ZNF208: variants seen among roughly 807,000 people sequenced by gnomAD.
The protein encoded by ZNF208 is zinc finger protein 208, also known as zinc finger protein 95.
Under a neutral mutation model 12.1 loss-of-function variants are expected in ZNF208, and 10 were observed. The observed-to-expected ratio is 0.83, with a 90% CI of 0.51 to 1.40. The LOEUF (loss-of-function observed/expected upper bound fraction) is 1.40, where lower values mean the gene tolerates loss of function less well. Among genes scored for constraint, ZNF208 ranks in the 40% most tolerant of loss-of-function variants. The pLI is 0.00. For synonymous variants in ZNF208, 497 were observed against 488.4 expected (o/e 1.02, Z -0.23); for missense variants, 1,652 against 1,485.0 (o/e 1.11, Z -1.85).
At chr19:22,006,651 C>G (rs1047336288) in intron 1 of ZNF208, among the ~76,000 whole-genome samples, 3 of 152,164 alleles carry the variant, frequency 2.0e-5, no homozygotes, top group African/African-American at 2.4e-5. Context: ...CCAGAAGGAA[C>G]TAACTGGGCC....
At chr19:21,954,205 G>T (rs969744779) in intron 4 of ZNF208, among the ~76,000 whole-genome samples, 1 of 152,220 alleles carries the variant, frequency 6.6e-6, no homozygotes, top group Non-Finnish European at 1.5e-5. Flanking sequence ...GAGATAGTTT[G>T]TTGTGATTTC....
At chr19:22,002,884 T>C (rs1970977456) in intron 1 of ZNF208, among the ~76,000 whole-genome samples, 1 of 152,204 alleles carries the variant, frequency 6.6e-6, no homozygotes, top group Non-Finnish European at 1.5e-5. Flanking sequence ...AGAGCCTGAA[T>C]AGCCAAGGCA....
intron 4 of ZNF208, chr19:21,940,419 T>G (rs1328112056): frequency 6.6e-6 from 1 of 152,176 alleles, no homozygotes; most frequent in East Asian, 1.9e-4. Flanking sequence ...GTAAAAATTT[T>G]AGTCTCTAAG....
rs58939967 is a variant in ZNF208, at chr19:22,001,892, CAA to C, written c.3+8898_3+8899del. Among the ~76,000 whole-genome samples the C allele has an allele frequency of 4.2e-4, 31 of 74,092 alleles. 2 individuals are homozygous for C. Among genetic ancestry groups the C allele is most frequent in the African/African-American group, 1.3e-3 (27 of 21,340 alleles). 48.6% of individuals were successfully genotyped at this position (74,092 alleles called of 152,430 possible). A position where few individuals can be genotyped will look rare whatever the true frequency, so the allele number is the denominator to read the frequency against. ...TGGATGACACAGTGAGACTCCATCC[CAA>C]AAAAAAAAAAAAAAAAAAAAAAAAA... is the stretch of plus-strand genomic sequence containing the variant. On this transcript the variant is annotated intron_variant, in intron 1 of 3. Transcript: ENST00000397126.
Position 21,955,152 on chromosome 19 carries a change from T to C in ZNF208, c.305+19577A>G, listed in dbSNP as rs148627428. Among the ~76,000 whole-genome samples the C allele has an allele frequency of 6.8e-3, 1,036 of 152,356 alleles. 10 individuals carry two copies. Among genetic ancestry groups the C allele is most frequent in the African/African-American group, 0.024 (1,007 of 41,576 alleles). The stretch of plus-strand genomic sequence containing the variant: ...AACCCTTTTCTTTAAGAATGTTGAA[T>C]ATTGGCCCCCATTCTCTTCTGGCTT... On this transcript the variant is annotated intron_variant, in intron 4 of 4. Coordinates refer to the ZNF208 transcript ENST00000599916.
At chr19:21,984,754 T>C (rs927944474) in intron 3 of ZNF208, among the ~76,000 whole-genome samples, 5 of 152,134 alleles carry the variant, frequency 3.3e-5, no homozygotes, top group African/African-American at 1.2e-4. Context: ...TAAAAGTATA[T>C]AGAATCTCAA....
At chr19:21,985,738 C>G (rs982444459) in intron 3 of ZNF208, among the ~76,000 whole-genome samples, 2 of 152,178 alleles carry the variant, frequency 1.3e-5, no homozygotes, top group Non-Finnish European at 2.9e-5. Flanking sequence ...GGTTCCAATA[C>G]CAGTTTCATG....
intron 3 of ZNF208, among the ~76,000 whole-genome samples, chr19:21,978,248 T>TTGA (rs1970469742): frequency 6.6e-6 from 1 of 152,176 alleles, no homozygotes; most frequent in African/African-American, 2.4e-5. Flanking sequence ...CCACCTCAAG[T>TTGA]GGGTCCCTGA....
In ZNF208 at chr19:21,966,961, T is replaced by G. The variant is rs1327475145; in HGVS notation, c.*4230A>C. 1 of 152,220 alleles carries G rather than the reference T, an allele frequency of 6.6e-6. No homozygotes were observed. Among genetic ancestry groups the G allele is most frequent in the East Asian group, 1.9e-4 (1 of 5,198 alleles). The allele number at this position is 152,220 out of a possible 1,614,324, so 9.4% of individuals were successfully genotyped here. A position where few individuals can be genotyped will look rare whatever the true frequency, so the allele number is the denominator to read the frequency against. ...TTTTTATTAAATGTATTATAGATTC[T>G]GTACATTAATCCTTCATTGTCTGCA... On this transcript the variant is annotated 3_prime_UTR_variant, in exon 4 of 4. Transcript: ENST00000397126.
chr19:21,962,459 C>T (rs1217652703), downstream of ZNF208, among the ~76,000 whole-genome samples: 1 of 152,008 alleles, frequency 6.6e-6, no homozygotes, highest in Non-Finnish European at 1.5e-5. Flanking sequence ...AAAATTAAGT[C>T]TTTTTAAATA....
In ZNF208 at chr19:21,971,526, TG is replaced by T. The variant is rs754566978; in HGVS notation, c.3507del (p.Tyr1169Ter). 15 of 1,611,276 alleles carry T rather than the reference TG, an allele frequency of 9.3e-6. No homozygotes were observed. Among genetic ancestry groups the T allele is most frequent in the Admixed American group, 1.7e-5 (1 of 59,864 alleles). On this transcript the variant is annotated frameshift_variant, in exon 4 of 4. Coordinates refer to ENST00000397126, the MANE Select transcript of ZNF208 (RefSeq NM_007153.3). LOFTEE classifies it low-confidence loss of function (END_TRUNC). ...HKKIHTVEKP[Y>X]KCEECGKGFV... is the part of the protein sequence containing the mutation. Reference sequence around the variant, plus strand: ...AAGCCTTTGCCACATTCTTCACATTTGTAGGGTTTCTCTACAGTATGAATTT... The same window carrying T: ...AAGCCTTTGCCACATTCTTCACATTTTAGGGTTTCTCTACAGTATGAATTT...
rs1166747034 is a variant in ZNF208, at chr19:21,974,672, T to C, written c.362A>G (p.Asp121Gly). 1 of 1,613,770 alleles carries C rather than the reference T, an allele frequency of 6.2e-7. No individual in the cohort carries two copies. Among genetic ancestry groups the C allele is most frequent in the South Asian group, 1.1e-5 (1 of 91,054 alleles). The change falls in exon 4 of 4, where the codon GAT (aspartate) becomes GGT (glycine). Residue 121 changes from aspartate (D) to glycine (G), a missense_variant. This residue lies in a region of ZNF208 where 410 missense variants were observed against 378.2 expected (regional missense o/e 1.08). Coordinates refer to ENST00000397126, the MANE Select transcript of ZNF208 (RefSeq NM_007153.3). The part of the protein sequence containing the change: ...LHLKIGYTNV[D>G]ECKVHKEGYN... ...ACCTTCTTTGTGCACCTTACACTCA[T>C]CCACATTGGTATAACCAATTTTTAA...
chr19:21,969,107 C>T lies in ZNF208; in HGVS notation c.*2084G>A, dbSNP rs998581142. ...GCTGAGGTGGGAGAATGGCATGAAC[C>T]TGGAAGCTAGACCTTGGCTAATTTC... is the stretch of plus-strand genomic sequence containing the variant. On this transcript the variant is annotated 3_prime_UTR_variant, in exon 4 of 4. Transcript: ENST00000397126. 3.9e-5 allele frequency among the ~76,000 whole-genome samples: 6 copies of T among 152,242 alleles called. No individual in the cohort carries two copies. Among genetic ancestry groups the T allele is most frequent in the African/African-American group, 1.4e-4 (6 of 41,572 alleles).
At chr19:21,976,886 T>G (rs1970441575) in intron 3 of ZNF208, among the ~76,000 whole-genome samples, 1 of 152,148 alleles carries the variant, frequency 6.6e-6, no homozygotes. Flanking sequence ...AATATCAAGA[T>G]CCAACTTGCC....
chr19:21,986,386 G>C (rs1970628922), intron 3 of ZNF208, among the ~76,000 whole-genome samples: 1 of 151,970 alleles, frequency 6.6e-6, no homozygotes, highest in African/African-American at 2.4e-5. Context: ...TGATAAAATA[G>C]AGTAATAAAA....
intron 4 of ZNF208, among the ~76,000 whole-genome samples, chr19:21,945,635 A>G (rs930650046): frequency 6.6e-6 from 1 of 152,226 alleles, no homozygotes; most frequent in African/African-American, 2.4e-5. Context: ...TCAAATACAT[A>G]TATCAAATTT....
At chr19:21,962,276 C>T (rs1237396128), downstream of ZNF208, among the ~76,000 whole-genome samples, 3 of 152,006 alleles carry the variant, frequency 2.0e-5, no homozygotes, top group Admixed American at 2.0e-4. Flanking sequence ...TTTTGTGACA[C>T]ATAATAAGTG....
downstream of ZNF208, among the ~76,000 whole-genome samples, chr19:21,961,922 C>G (rs182927533): frequency 2.4e-4 from 37 of 152,180 alleles, no homozygotes; most frequent in Middle Eastern, 3.4e-3. Flanking sequence ...ACACGTTTTA[C>G]AATCAATTTG....
chr19:21,960,461 AACAGGTAC>A (rs1599605897), intron 4 of ZNF208, among the ~76,000 whole-genome samples: 1 of 152,346 alleles, frequency 6.6e-6, no homozygotes, highest in East Asian at 1.9e-4. Flanking sequence ...AGTGTACATC[AACAGGTAC>A]ATGAATTTTA....
Sources: gnomAD v4.1 joint callset for allele counts (sites outside exome capture counted in the v4.1 genomes callset) on GRCh38, gnomAD v4.1.1 for gene constraint, gnomAD v4.1.1 regional missense constraint, MANE v1.5 for transcripts, NCBI Gene and HGNC (gene_info 2026-07-23, HGNC 2026-07-21) for gene names.